COL22A1: variants seen among roughly 807,000 people sequenced by gnomAD.
COL22A1 encodes collagen alpha-1(XXII) chain.
A neutral mutation model predicts 248.9 loss-of-function variants in COL22A1; 221 were observed. The observed-to-expected ratio is 0.89, with a 90% CI of 0.80 to 0.99. The LOEUF (loss-of-function observed/expected upper bound fraction) is 0.99, where lower values mean the gene tolerates loss of function less well. Among genes scored for constraint, COL22A1 ranks in the 50% least tolerant of loss-of-function variants. The pLI, the probability that COL22A1 is intolerant of heterozygous loss-of-function variation, is 0.00. For missense variants in COL22A1, 2,240 were observed against 2,179.0 expected (o/e 1.03, Z -0.56); for synonymous variants, 891 against 793.4 (o/e 1.12, Z -2.07).
intron 16 of COL22A1, among the ~76,000 whole-genome samples, chr8:138,769,901 C>T (rs1834221682): frequency 6.6e-6 from 1 of 152,164 alleles, no homozygotes; most frequent in African/African-American, 2.4e-5. Flanking sequence ...TCAGTCCCTT[C>T]AAAACACCAA....
intron 32 of COL22A1, among the ~76,000 whole-genome samples, chr8:138,697,818 A>G (rs1385929278): frequency 6.6e-6 from 1 of 152,222 alleles, no homozygotes; most frequent in Non-Finnish European, 1.5e-5. Context: ...TTCCAAATCC[A>G]TCAATACAAA....
chr8:138,880,766 C>A (rs1344820653), intron 2 of COL22A1, among the ~76,000 whole-genome samples: 13 of 152,184 alleles, frequency 8.5e-5, no homozygotes, highest in Admixed American at 7.9e-4. Flanking sequence ...AAAGATCATT[C>A]TTTTGTCTTT....
chr8:138,636,908 C>G (rs1051385751), intron 47 of COL22A1, 113 bp from the exon 48 acceptor site: 3 of 913,438 alleles, frequency 3.3e-6, no homozygotes, highest in Non-Finnish European at 5.3e-6. Flanking sequence ...AATCTCTTAT[C>G]AAGTTCCTGT....
intron 63 of COL22A1, among the ~76,000 whole-genome samples, chr8:138,593,397 A>C (rs1435923035): frequency 6.6e-6 from 1 of 152,130 alleles, no homozygotes; most frequent in Non-Finnish European, 1.5e-5. Flanking sequence ...TTTTTTAAAA[A>C]AAAACCTTTT....
chr8:138,881,452 G>A (rs1045094793), intron 2 of COL22A1, among the ~76,000 whole-genome samples: 1 of 152,166 alleles, frequency 6.6e-6, no homozygotes, highest in Non-Finnish European at 1.5e-5. Context: ...TTGGGAGGCC[G>A]AGGCGGGCGG....
At chr8:138,617,048 C>G (rs772089074) in intron 53 of COL22A1, 90 bp from the exon 54 acceptor site, 2 of 1,344,188 alleles carry the variant, frequency 1.5e-6, no homozygotes, top group Non-Finnish European at 2.1e-6. Context: ...CTTTGACCCA[C>G]GTTGCCCCCG....
rs1828245393 is a variant in COL22A1 at position 138,704,524 on chromosome 8, G to C, written c.2518-1177C>G. ...TACCCAGGCAAACAGCGTCTGGAGT[G>C]GACCTCCAGAAAACTTCAACAGACC... On this transcript the variant is annotated intron_variant, in intron 30 of 64. Transcript: ENST00000303045. Among the ~76,000 whole-genome samples, 5 of 151,670 alleles carry C rather than the reference G, an allele frequency of 3.3e-5. No individual in the cohort carries two copies. In the Admixed American group the frequency reaches 3.3e-4, roughly 10 times the overall value.
Position 138,588,706 on chromosome 8 carries a change from C to G in COL22A1, c.*547G>C, listed in dbSNP as rs1816797156. The G allele has an allele frequency of 6.6e-6, 1 of 152,318 alleles. No individual in the cohort carries two copies. The highest frequency in any genetic ancestry group is 2.1e-4 in the South Asian group (1 of 4,830). 9.4% of individuals were successfully genotyped at this position (152,318 alleles called of 1,614,324 possible). On this transcript the variant is annotated 3_prime_UTR_variant, in exon 65 of 65. Coordinates refer to ENST00000303045, the MANE Select transcript of COL22A1 (RefSeq NM_152888.3). ...GGAACATTCCTCATGGTTGCAAATTCTTTCTCTTTCTGCTTCTTTACTCTC... is the reference window on the plus strand; with the variant it reads ...GGAACATTCCTCATGGTTGCAAATTGTTTCTCTTTCTGCTTCTTTACTCTC...
intron 2 of COL22A1, 115 bp from the exon 3 acceptor site, chr8:138,878,431 T>A (rs1353005803): frequency 1.1e-6 from 1 of 909,486 alleles, no homozygotes; most frequent in Non-Finnish European, 1.6e-6. Flanking sequence ...ACCTGCCCTG[T>A]CTCTCATGAC....
At chr8:138,688,514 C>T (rs1465495265) in intron 37 of COL22A1, among the ~76,000 whole-genome samples, 1 of 151,320 alleles carries the variant, frequency 6.6e-6, no homozygotes, top group Non-Finnish European at 1.5e-5. Flanking sequence ...GAGTGAGACC[C>T]TGTCTCAAGA....
rs150228652 is a variant in COL22A1, at chr8:138,618,570, GT to G, written c.3825+884del. Among the ~76,000 whole-genome samples, 507 of 152,250 alleles carry G rather than the reference GT, an allele frequency of 3.3e-3. 3 individuals are homozygous for G. The highest frequency in any genetic ancestry group is 0.012 in the African/African-American group (485 of 41,558). ...CTTGGGTGTTTTCTGGTGCAATCATGTGAAAAACAAGGGGATTTAAGAGAAC... is the reference window on the plus strand; with the variant it reads ...CTTGGGTGTTTTCTGGTGCAATCATGGAAAAACAAGGGGATTTAAGAGAAC... On this transcript the variant is annotated intron_variant, in intron 53 of 64. Coordinates refer to ENST00000303045, the MANE Select transcript of COL22A1 (RefSeq NM_152888.3).
intron 10 of COL22A1, among the ~76,000 whole-genome samples, chr8:138,803,409 C>A (rs2131633356): frequency 6.6e-6 from 1 of 152,214 alleles, no homozygotes; most frequent in South Asian, 2.1e-4. Flanking sequence ...AAGTACTAAC[C>A]AGGCCCGACC....
At chr8:138,882,932 G>A in intron 2 of COL22A1, 150 bp downstream of exon 2, 1 of 701,882 alleles carries the variant, frequency 1.4e-6, no homozygotes, top group Non-Finnish European at 2.3e-6. Flanking sequence ...TTAGAAGGCA[G>A]CTGACTCACA....
At chr8:138,744,794 T>C (rs1037009487) in intron 22 of COL22A1, among the ~76,000 whole-genome samples, 3 of 152,046 alleles carry the variant, frequency 2.0e-5, no homozygotes, top group African/African-American at 7.3e-5. Flanking sequence ...TTCTCTTAGC[T>C]ATACATCTAT....
At chr8:138,683,109 C>G (rs1826082094) in intron 39 of COL22A1, among the ~76,000 whole-genome samples, 1 of 152,154 alleles carries the variant, frequency 6.6e-6, no homozygotes, top group Non-Finnish European at 1.5e-5. Flanking sequence ...CCTGAGCTAC[C>G]CTCTCTCCTA....
At chr8:138,708,486 A>G (rs1455291731) in intron 30 of COL22A1, among the ~76,000 whole-genome samples, 1 of 152,224 alleles carries the variant, frequency 6.6e-6, no homozygotes, top group African/African-American at 2.4e-5. Context: ...AATACCACAC[A>G]TCTACAACCA....
At position 138,694,810 on chromosome 8, in the gene COL22A1, G is replaced by A. The variant is rs1360058136; in HGVS notation, c.2646+16C>T. 1 of 1,613,604 alleles carries A rather than the reference G, an allele frequency of 6.2e-7. No homozygotes were observed. Among genetic ancestry groups the A allele is most frequent in the African/African-American group, 1.3e-5 (1 of 75,028 alleles). On this transcript the variant is annotated intron_variant, in intron 33 of 64. Coordinates refer to ENST00000303045, the MANE Select transcript of COL22A1 (RefSeq NM_152888.3). Reference sequence around the variant, plus strand: ...GGTAACCAGCCCTGCGGGGGAAGGGGACACAAGAGACTCACCGGTTCCCCA... The same window carrying A: ...GGTAACCAGCCCTGCGGGGGAAGGGAACACAAGAGACTCACCGGTTCCCCA...
chr8:138,761,056 T>G lies in COL22A1; in HGVS notation c.1858-769A>C, dbSNP rs185920270. 3.6e-3 allele frequency among the ~76,000 whole-genome samples: 546 copies of G among 152,282 alleles called. 2 individuals are homozygous for G. Among genetic ancestry groups the G allele is most frequent in the African/African-American group, 0.011 (477 of 41,562 alleles). On this transcript the variant is annotated intron_variant, in intron 17 of 64. Coordinates refer to ENST00000303045, the MANE Select transcript of COL22A1 (RefSeq NM_152888.3). ...ACATAGACATGCGTTCAAGGATGCA[T>G]GCAAAGCACCCTCACTTCCTCTGTA...
chr8:138,626,104 G>T (rs1251900759), intron 51 of COL22A1, 86 bp downstream of exon 51: 3 of 1,033,022 alleles, frequency 2.9e-6, no homozygotes, highest in South Asian at 3.0e-5. Context: ...GCCTTGTTTT[G>T]ACAGTGGAAT....
Sources: allele counts gnomAD v4.1 joint callset (sites outside exome capture counted in the v4.1 genomes callset), GRCh38; gene constraint gnomAD v4.1.1; transcripts MANE v1.5; gene names NCBI Gene and HGNC (gene_info 2026-07-23, HGNC 2026-07-21).